The following NAALADL2 variants were observed in gnomAD, a reference collection of about 807,000 sequenced individuals.
NAALADL2 encodes the protein N-acetylated alpha-linked acidic dipeptidase like 2.
NAALADL2 carries 76 observed loss-of-function variants against 87.2 expected under a neutral mutation model. That is an observed-to-expected ratio of 0.87 (90% confidence interval 0.72 to 1.05). The LOEUF (loss-of-function observed/expected upper bound fraction) is 1.05, where lower values mean the gene tolerates loss of function less well. NAALADL2 is among the 50% of genes least tolerant of loss of function. The pLI is 0.00. For missense variants in NAALADL2, 1,089 were observed against 945.8 expected, an observed-to-expected ratio of 1.15 and a Z score of -1.99; for synonymous variants, 354 against 331.0, an observed-to-expected ratio of 1.07 and a Z score of -0.75.
intron 1 of NAALADL2, among the ~76,000 whole-genome samples, chr3:174,451,307 G>A (rs1253670526): frequency 6.6e-6 from 1 of 152,112 alleles, no homozygotes; most frequent in African/African-American, 2.4e-5. Flanking sequence ...GGAGAAATTT[G>A]CTCTTGATTT....
At chr3:174,878,485 G>A (rs1728794589) in intron 1 of NAALADL2, among the ~76,000 whole-genome samples, 1 of 151,992 alleles carries the variant, frequency 6.6e-6, no homozygotes, top group Admixed American at 6.6e-5. Context: ...AAACCTACAT[G>A]TTTTGGATTT....
chr3:174,834,422 C>T (rs1307268901), intron 3 of NAALADL2, among the ~76,000 whole-genome samples: 1 of 150,752 alleles, frequency 6.6e-6, no homozygotes, highest in Admixed American at 6.6e-5. Context: ...CTCTCAATTT[C>T]TGTCTAACGT....
intron 2 of NAALADL2, among the ~76,000 whole-genome samples, chr3:174,693,092 A>G (rs1354811295): frequency 2.0e-5 from 3 of 151,946 alleles, no homozygotes; most frequent in African/African-American, 7.2e-5. Context: ...ATTAAGACCC[A>G]GTAGGCACTG....
intron 1 of NAALADL2, chr3:175,079,232 C>T (rs1157425642): frequency 2.6e-5 from 4 of 152,040 alleles, no homozygotes; most frequent in South Asian, 2.1e-4. Context: ...TATCTTCTTT[C>T]GAGGAATTTA....
At chr3:175,545,852 T>A (rs1300179392) in intron 9 of NAALADL2, among the ~76,000 whole-genome samples, 1 of 152,170 alleles carries the variant, frequency 6.6e-6, no homozygotes, top group African/African-American at 2.4e-5. Context: ...GTTTTGCATT[T>A]CCATTCCATA....
intron 13 of NAALADL2, among the ~76,000 whole-genome samples, chr3:175,798,354 A>G (rs947684728): frequency 6.6e-6 from 1 of 152,062 alleles, no homozygotes; most frequent in African/African-American, 2.4e-5. Context: ...GAATCTCAGT[A>G]TCTTAGCTTT....
At chr3:174,532,210 G>A (rs1453471498) in intron 1 of NAALADL2, among the ~76,000 whole-genome samples, 2 of 152,180 alleles carry the variant, frequency 1.3e-5, no homozygotes, top group Non-Finnish European at 2.9e-5. Flanking sequence ...TAGAGATGAA[G>A]TCAGATCCCT....
At chr3:175,755,925 G>A (rs1026616381) in intron 13 of NAALADL2, among the ~76,000 whole-genome samples, 4 of 152,168 alleles carry the variant, frequency 2.6e-5, no homozygotes, top group Non-Finnish European at 5.9e-5. Context: ...GTCACATGGA[G>A]TGCTTTCTGA....
At chr3:174,696,508 TATC>T (rs1213529803) in intron 2 of NAALADL2, among the ~76,000 whole-genome samples, 1 of 151,218 alleles carries the variant, frequency 6.6e-6, no homozygotes, top group African/African-American at 2.4e-5. Flanking sequence ...CTGATACTGC[TATC>T]ATTTATTAAT....
intron 11 of NAALADL2, among the ~76,000 whole-genome samples, chr3:175,688,472 A>G (rs1304036531): frequency 2.0e-5 from 3 of 152,158 alleles, no homozygotes; most frequent in Non-Finnish European, 4.4e-5. Context: ...GCCAAAAGGA[A>G]AGATTTAGCC....
intron 3 of NAALADL2, among the ~76,000 whole-genome samples, chr3:174,824,836 G>C (rs1002348716): frequency 6.6e-6 from 1 of 152,148 alleles, no homozygotes; most frequent in African/African-American, 2.4e-5. Context: ...TACTGGAAAT[G>C]ATTTACTTTA....
At chr3:175,469,339 AAG>A (rs141720110) in intron 8 of NAALADL2, among the ~76,000 whole-genome samples, 8,056 of 152,068 alleles carry the variant, frequency 0.053, 672 homozygotes, top group African/African-American at 0.18. Flanking sequence ...CTGAGAATGA[AAG>A]AGTTTATGTT....
intron 1 of NAALADL2, among the ~76,000 whole-genome samples, chr3:174,982,844 C>A (rs1031657329): frequency 8.6e-5 from 13 of 151,934 alleles, no homozygotes; most frequent in Non-Finnish European, 1.6e-4. Context: ...GTTGCCCAGG[C>A]TGAAGTACAG....
In NAALADL2 at chr3:175,406,779, T is replaced by A. The variant is rs79296826; in HGVS notation, c.1091-40450T>A. On this transcript the variant is annotated intron_variant, in intron 5 of 13. Transcript: ENST00000454872. ...TTGCCTTTTGAGACTATTTTCCACT[T>A]GTTATCCCACCCACTTCCTTCACAT... is the stretch of plus-strand genomic sequence containing the variant. Among the ~76,000 whole-genome samples the A allele has an allele frequency of 4.0e-3, 616 of 152,266 alleles. 3 individuals carry two copies. Among genetic ancestry groups the A allele is most frequent in the African/African-American group, 0.012 (519 of 41,582 alleles).
At chr3:174,701,390 CAAATAATATATACAGAT>C (rs1387705400) in intron 2 of NAALADL2, among the ~76,000 whole-genome samples, 1 of 151,770 alleles carries the variant, frequency 6.6e-6, no homozygotes, top group Non-Finnish European at 1.5e-5. Context: ...TCATTTTCAC[CAAATAATATATACAGAT>C]AAATTATTTC....
chr3:174,932,164 A>T (rs1157422425), intron 1 of NAALADL2, among the ~76,000 whole-genome samples: 1 of 152,142 alleles, frequency 6.6e-6, no homozygotes, highest in East Asian at 1.9e-4. Context: ...CTTTCACCAT[A>T]ACTGCAGAGT....
chr3:175,405,443 T>C (rs1252868704), intron 5 of NAALADL2, among the ~76,000 whole-genome samples: 1 of 152,196 alleles, frequency 6.6e-6, no homozygotes, highest in Non-Finnish European at 1.5e-5. Flanking sequence ...AAACTTTTAA[T>C]GTTACTGAGA....
At chr3:175,309,670 A>T (rs1758127677) in intron 4 of NAALADL2, among the ~76,000 whole-genome samples, 1 of 152,096 alleles carries the variant, frequency 6.6e-6, no homozygotes, top group East Asian at 1.9e-4. Flanking sequence ...AAATCACATA[A>T]CCTAAATTCT....
chr3:175,786,084 G>A (rs1323161620), intron 13 of NAALADL2, among the ~76,000 whole-genome samples: 1 of 152,084 alleles, frequency 6.6e-6, no homozygotes, highest in African/African-American at 2.4e-5. Flanking sequence ...TTAGTCTGAT[G>A]GGCTTCCCTT....
Sources: allele counts gnomAD v4.1 joint callset (sites outside exome capture counted in the v4.1 genomes callset), GRCh38; gene constraint gnomAD v4.1.1; transcripts MANE v1.5; gene names NCBI Gene and HGNC (gene_info 2026-07-23, HGNC 2026-07-21).